The following GRIN2B variants were observed in gnomAD, a reference collection of about 807,000 sequenced individuals.
GRIN2B encodes the protein glutamate receptor ionotropic, NMDA 2B.
GRIN2B carries 5 observed loss-of-function variants against 114.5 expected under a neutral mutation model. The observed-to-expected ratio is 0.04, with a 90% CI of 0.02 to 0.09. The LOEUF (loss-of-function observed/expected upper bound fraction) is 0.09, where lower values mean the gene tolerates loss of function less well. Ranked by LOEUF, GRIN2B falls within the 10% of genes least tolerant of loss-of-function variation. The probability of loss-of-function intolerance (pLI) is 1.00; values close to 1 mark genes in which losing one functional copy is unlikely to be tolerated. For missense variants in GRIN2B, 1,108 were observed against 1,943.5 expected, an observed-to-expected ratio of 0.57 and a Z score of 8.08; for synonymous variants, 787 against 745.1, an observed-to-expected ratio of 1.06 and a Z score of -0.92.
chr12:13,883,928 T>C (rs1262688400), intron 2 of GRIN2B, among the ~76,000 whole-genome samples: 1 of 152,194 alleles, frequency 6.6e-6, no homozygotes, highest in Non-Finnish European at 1.5e-5. Flanking sequence ...TGTATAATTA[T>C]AGTTCTATGA....
chr12:13,932,713 G>A (rs1183084917), intron 2 of GRIN2B, among the ~76,000 whole-genome samples: 1 of 152,150 alleles, frequency 6.6e-6, no homozygotes, highest in Non-Finnish European at 1.5e-5. Context: ...CCAGAAATGG[G>A]AAGGATCCAG....
At chr12:13,962,368 A>C (rs1330224544) in intron 2 of GRIN2B, among the ~76,000 whole-genome samples, 1 of 152,182 alleles carries the variant, frequency 6.6e-6, no homozygotes, top group Non-Finnish European at 1.5e-5. Flanking sequence ...TGGAAACAGA[A>C]GGGCTTCACA....
At chr12:13,572,040 G>A in intron 10 of GRIN2B, 76 bp from the exon 11 acceptor site, 8 of 1,188,088 alleles carry the variant, frequency 6.7e-6, no homozygotes, top group Non-Finnish European at 9.8e-6. Flanking sequence ...TTTAGAAAAT[G>A]TGAAGAGACA....
intron 2 of GRIN2B, among the ~76,000 whole-genome samples, chr12:13,925,139 C>T (rs1006715533): frequency 4.6e-5 from 7 of 152,172 alleles, no homozygotes; most frequent in African/African-American, 1.7e-4. Context: ...ATGGCTGAAG[C>T]GCCAGTGTTG....
chr12:13,702,267 C>T (rs1202937552), intron 4 of GRIN2B, among the ~76,000 whole-genome samples: 1 of 152,084 alleles, frequency 6.6e-6, no homozygotes, highest in African/African-American at 2.4e-5. Flanking sequence ...AATATGTTCA[C>T]CAGGATCTTT....
At chr12:13,881,670 T>A (rs1866074579) in intron 2 of GRIN2B, among the ~76,000 whole-genome samples, 2 of 152,248 alleles carry the variant, frequency 1.3e-5, no homozygotes, top group Admixed American at 6.5e-5. Context: ...TTCTCTACTT[T>A]AGCACCGAAT....
intron 10 of GRIN2B, among the ~76,000 whole-genome samples, chr12:13,586,111 C>T (rs555183644): frequency 6.6e-6 from 1 of 152,302 alleles, no homozygotes; most frequent in East Asian, 1.9e-4. Flanking sequence ...AGCCAAAAAA[C>T]TTACTTTCAA....
intron 2 of GRIN2B, among the ~76,000 whole-genome samples, chr12:13,931,251 C>T (rs1256621648): frequency 6.6e-6 from 1 of 152,212 alleles, no homozygotes; most frequent in Non-Finnish European, 1.5e-5. Flanking sequence ...ACTGAAATTG[C>T]TTGCATAGAC....
chr12:13,856,558 C>A (rs939497723), intron 3 of GRIN2B, among the ~76,000 whole-genome samples: 1 of 152,122 alleles, frequency 6.6e-6, no homozygotes, highest in Non-Finnish European at 1.5e-5. Flanking sequence ...GAAGGGAGGG[C>A]TCTAAGTTGA....
chr12:13,802,329 C>CG (rs35914154), intron 3 of GRIN2B, among the ~76,000 whole-genome samples: 1 of 151,766 alleles, frequency 6.6e-6, no homozygotes, highest in Non-Finnish European at 1.5e-5. Flanking sequence ...ATTGCAAAGG[C>CG]GGGGGAAGTG....
At chr12:13,599,976 T>C (rs978606156) in intron 10 of GRIN2B, among the ~76,000 whole-genome samples, 17 of 152,262 alleles carry the variant, frequency 1.1e-4, no homozygotes, top group Non-Finnish European at 2.9e-5. Context: ...TTTTGTTAAT[T>C]AAAATTGTTT....
At chr12:13,949,299 A>G (rs1032254076) in intron 2 of GRIN2B, among the ~76,000 whole-genome samples, 1 of 152,228 alleles carries the variant, frequency 6.6e-6, no homozygotes, top group Non-Finnish European at 1.5e-5. Context: ...TGGTTGCTAC[A>G]GAGACGTCTC....
chr12:13,608,025 C>T (rs1949308386), intron 10 of GRIN2B, among the ~76,000 whole-genome samples: 7 of 88 alleles, frequency 0.08, no homozygotes, highest in South Asian at 0.44. Flanking sequence ...TTGCATAGGC[C>T]CGCAGAGGCC....
rs923358901 is a variant in GRIN2B at position 13,616,750 on chromosome 12, T to C, written c.1126-93A>G. On this transcript the variant is annotated intron_variant, in intron 5 of 13. Transcript: ENST00000609686. ...TTGTCTGAACAATCCCAGGAAGCAG[T>C]TGAACAAAAGCCAACAAGTGCCAAC... is the stretch of plus-strand genomic sequence containing the variant. The C allele has an allele frequency of 3.4e-5, 35 of 1,032,774 alleles. No individual in the cohort carries two copies. In the Admixed American group the frequency reaches 5.0e-4, roughly 15 times the overall value. The allele number at this position is 1,032,774 out of a possible 1,614,324, so 64.0% of individuals were successfully genotyped here. A position where few individuals can be genotyped will look rare whatever the true frequency, so the allele number is the denominator to read the frequency against.
At position 13,831,077 on chromosome 12, in the gene GRIN2B, A is replaced by G. The variant is rs187630310; in HGVS notation, c.411+34721T>C. On this transcript the variant is annotated intron_variant, in intron 3 of 13. Coordinates refer to ENST00000609686, the MANE Select transcript of GRIN2B (RefSeq NM_000834.5). The stretch of plus-strand genomic sequence containing the variant: ...AAAGTCACCCTAAGAGCAGGTTGTT[A>G]AAAAGAGTCTTGCACCTTCCTGCTT... 4.6e-3 allele frequency among the ~76,000 whole-genome samples: 698 copies of G among 152,244 alleles called. 3 individuals are homozygous for G. The highest frequency in any genetic ancestry group is 0.013 in the South Asian group (65 of 4,818).
chr12:13,683,205 T>A (rs1950147307), intron 4 of GRIN2B, among the ~76,000 whole-genome samples: 1 of 151,896 alleles, frequency 6.6e-6, no homozygotes, highest in Non-Finnish European at 1.5e-5. Flanking sequence ...ATGAAAAAAA[T>A]CTGGACAATG....
At chr12:13,672,291 T>C (rs1950029593) in intron 5 of GRIN2B, among the ~76,000 whole-genome samples, 2 of 152,154 alleles carry the variant, frequency 1.3e-5, no homozygotes. Flanking sequence ...GCCTGACCAG[T>C]GGCTGACAGT....
At chr12:13,722,560 G>T (rs1386090104) in intron 4 of GRIN2B, among the ~76,000 whole-genome samples, 1 of 152,036 alleles carries the variant, frequency 6.6e-6, no homozygotes, top group Non-Finnish European at 1.5e-5. Context: ...AAAGTTCCTG[G>T]CAGAATAACT....
At chr12:13,890,969 C>T (rs1482070168) in intron 2 of GRIN2B, among the ~76,000 whole-genome samples, 1 of 152,154 alleles carries the variant, frequency 6.6e-6, no homozygotes, top group East Asian at 1.9e-4. Flanking sequence ...AAGGCAATGG[C>T]TTTTCCAATC....
Sources: gnomAD v4.1 joint callset for allele counts (sites outside exome capture counted in the v4.1 genomes callset) on GRCh38, gnomAD v4.1.1 for gene constraint, MANE v1.5 for transcripts, NCBI Gene and HGNC (gene_info 2026-07-23, HGNC 2026-07-21) for gene names.